RBFOX1: variants seen among roughly 807,000 people sequenced by gnomAD.
The protein encoded by RBFOX1 is RNA binding protein fox-1 homolog 1.
A neutral mutation model predicts 57.7 loss-of-function variants in RBFOX1; 8 were observed. The observed-to-expected ratio is 0.14, with a 90% CI of 0.08 to 0.25. The LOEUF is 0.25. RBFOX1 is among the 10% of genes least tolerant of loss of function. RBFOX1 has a pLI of 1.00. For synonymous variants in RBFOX1, 326 were observed against 222.4 expected, an observed-to-expected ratio of 1.47 and a Z score of -4.15; for missense variants, 611 against 548.5, an observed-to-expected ratio of 1.11 and a Z score of -1.14.
chr16:6,301,629 T>C (rs1356565311), intron 1 of RBFOX1, among the ~76,000 whole-genome samples: 3 of 152,144 alleles, frequency 2.0e-5, no homozygotes, highest in Non-Finnish European at 4.4e-5. Context: ...GAAATCTCTA[T>C]AATTTTCTCT....
At chr16:5,309,762 G>A (rs187242261) in intron 1 of RBFOX1, among the ~76,000 whole-genome samples, 19 of 152,180 alleles carry the variant, frequency 1.2e-4, no homozygotes, top group South Asian at 6.2e-4. Flanking sequence ...GAAATCCAAG[G>A]GAAGCAATTT....
At chr16:5,470,322 G>A (rs2069091973) in intron 2 of RBFOX1, among the ~76,000 whole-genome samples, 2 of 152,164 alleles carry the variant, frequency 1.3e-5, no homozygotes, top group South Asian at 2.1e-4. Flanking sequence ...TCACCTAGAG[G>A]GACCAAATGT....
intron 1 of RBFOX1, among the ~76,000 whole-genome samples, chr16:6,283,623 T>C (rs1189123696): frequency 2.0e-5 from 3 of 152,194 alleles, no homozygotes; most frequent in African/African-American, 2.4e-5. Flanking sequence ...CCTAACTTTA[T>C]AGATATTGCA....
chr16:7,675,990 T>C (rs777145819), intron 13 of RBFOX1, among the ~76,000 whole-genome samples: 25 of 152,224 alleles, frequency 1.6e-4, no homozygotes, highest in Admixed American at 1.1e-3. Flanking sequence ...AATATGCCTA[T>C]TTGCTCGTCC....
chr16:7,439,140 T>G (rs1277147103), intron 4 of RBFOX1, among the ~76,000 whole-genome samples: 1 of 152,206 alleles, frequency 6.6e-6, no homozygotes, highest in Non-Finnish European at 1.5e-5. Context: ...CTTGTCCTTC[T>G]GCTTAAGTCT....
At chr16:7,581,199 T>C (rs2093731720) in intron 6 of RBFOX1, among the ~76,000 whole-genome samples, 3 of 152,204 alleles carry the variant, frequency 2.0e-5, no homozygotes, top group African/African-American at 7.2e-5. Context: ...AAAGGTCAGC[T>C]CTTGCACTTT....
chr16:7,119,383 A>T (rs768546896), intron 4 of RBFOX1, among the ~76,000 whole-genome samples: 52 of 152,142 alleles, frequency 3.4e-4, no homozygotes, highest in Non-Finnish European at 5.1e-4. Flanking sequence ...GCCTCTAGAG[A>T]TAAAAAGTAC....
At chr16:6,705,518 C>T (rs1336216566) in intron 3 of RBFOX1, 1 of 152,156 alleles carries the variant, frequency 6.6e-6, no homozygotes, top group Non-Finnish European at 1.5e-5. Context: ...ATGAGCATGC[C>T]TACTACCCAG....
intron 3 of RBFOX1, among the ~76,000 whole-genome samples, chr16:6,881,395 G>C (rs1379682082): frequency 2.0e-5 from 3 of 152,192 alleles, no homozygotes; most frequent in Non-Finnish European, 4.4e-5. Context: ...CAGACTAGAA[G>C]TCCAGAATGA....
intron 4 of RBFOX1, among the ~76,000 whole-genome samples, chr16:7,143,213 C>A (rs773842681): frequency 3.3e-5 from 5 of 151,854 alleles, no homozygotes; most frequent in Non-Finnish European, 7.4e-5. Flanking sequence ...TATTTTTTGT[C>A]ATTTTCTTTG....
intron 4 of RBFOX1, among the ~76,000 whole-genome samples, chr16:7,194,306 G>T (rs2086152985): frequency 6.6e-6 from 1 of 152,156 alleles, no homozygotes; most frequent in Admixed American, 6.5e-5. Context: ...CAGAATAAGT[G>T]ATATTGTTAT....
chr16:5,376,467 A>T (rs2065986257), intron 1 of RBFOX1, among the ~76,000 whole-genome samples: 1 of 152,092 alleles, frequency 6.6e-6, no homozygotes, highest in Admixed American at 6.5e-5. Context: ...CTCACTAAGG[A>T]GGACAGGAGA....
intron 3 of RBFOX1, among the ~76,000 whole-genome samples, chr16:6,975,767 G>T (rs2086692224): frequency 6.6e-6 from 1 of 152,266 alleles, no homozygotes; most frequent in African/African-American, 2.4e-5. Context: ...CCCCTAAAGT[G>T]TACTTGGTGG....
At chr16:6,578,616 C>T (rs202064361) in intron 2 of RBFOX1, among the ~76,000 whole-genome samples, 67 of 6,458 alleles carry the variant, frequency 0.01, 1 homozygote, top group African/African-American at 0.022. Context: ...TGTGTGTGAG[C>T]ATGGGAGAAA....
chr16:7,312,388 G>A (rs1318015753), intron 4 of RBFOX1, among the ~76,000 whole-genome samples: 2 of 152,158 alleles, frequency 1.3e-5, no homozygotes, highest in East Asian at 1.9e-4. Flanking sequence ...CTCAACAGCA[G>A]CAACAACAAC....
chr16:6,843,593 G>T (rs1024402454), intron 3 of RBFOX1, among the ~76,000 whole-genome samples: 2 of 152,276 alleles, frequency 1.3e-5, no homozygotes, highest in Non-Finnish European at 2.9e-5. Context: ...GGACGTTGAG[G>T]CAGGAGAATG....
At chr16:7,652,234 C>G (rs1276567990) in intron 11 of RBFOX1, among the ~76,000 whole-genome samples, 1 of 152,026 alleles carries the variant, frequency 6.6e-6, no homozygotes, top group Non-Finnish European at 1.5e-5. Context: ...CCCATGGGCC[C>G]TGATGAGTTA....
chr16:5,918,148 C>T (rs1438881513), intron 4 of RBFOX1, among the ~76,000 whole-genome samples: 1 of 152,146 alleles, frequency 6.6e-6, no homozygotes, highest in Non-Finnish European at 1.5e-5. Context: ...GAGACAGAGT[C>T]TTGTTTTATT....
At chr16:6,743,564 A>G (rs1469378463) in intron 3 of RBFOX1, among the ~76,000 whole-genome samples, 1 of 152,000 alleles carries the variant, frequency 6.6e-6, no homozygotes, top group Non-Finnish European at 1.5e-5. Context: ...CAACATGACA[A>G]GACCCCAACT....
Sources: allele counts gnomAD v4.1 joint callset (sites outside exome capture counted in the v4.1 genomes callset), GRCh38; gene constraint gnomAD v4.1.1; transcripts MANE v1.5; gene names NCBI Gene and HGNC (gene_info 2026-07-23, HGNC 2026-07-21).